Variants in TUBA1C observed in about 807,000 individuals in gnomAD.
TUBA1C encodes the protein tubulin alpha 1c.
In TUBA1C, 16 loss-of-function variants were observed where a neutral mutation model predicts 34.9. The ratio of observed to expected loss-of-function variants is 0.46; its 90% CI spans 0.31 to 0.70. The LOEUF (loss-of-function observed/expected upper bound fraction) is 0.70, where lower values mean the gene tolerates loss of function less well. TUBA1C is among the 30% of genes least tolerant of loss of function. The pLI, the probability that TUBA1C is intolerant of heterozygous loss-of-function variation, is 0.05. For synonymous variants in TUBA1C, 177 were observed against 215.9 expected, an observed-to-expected ratio of 0.82 and a Z score of 1.58; for missense variants, 329 against 587.3, an observed-to-expected ratio of 0.56 and a Z score of 4.55.
At chr12:49,259,054 C>T (rs925624150) in intron 1 of TUBA1C, among the ~76,000 whole-genome samples, 9 of 152,018 alleles carry the variant, frequency 5.9e-5, no homozygotes, top group Admixed American at 3.9e-4. Context: ...CCACCGCACC[C>T]GGCCAAAAAT....
rs149631982 is a variant in TUBA1C, at chr12:49,239,899, G to C, written c.213+11733G>C. The stretch of plus-strand genomic sequence containing the variant: ...TTTCAGGGCCTCTGGCTTGGGACAG[G>C]ACCAGGACGGGAGGTAGAGCAGTGG... On this transcript the variant is annotated intron_variant, in intron 1 of 3. Coordinates refer to the TUBA1C transcript ENST00000541364. 1.6e-3 allele frequency among the ~76,000 whole-genome samples: 244 copies of C among 152,246 alleles called. 2 individuals carry two copies. Among genetic ancestry groups the C allele is most frequent in the African/African-American group, 5.7e-3 (236 of 41,536 alleles).
At chr12:49,245,511 A>C in intron 1 of TUBA1C, among the ~76,000 whole-genome samples, 1 of 152,212 alleles carries the variant, frequency 6.6e-6, no homozygotes, top group East Asian at 1.9e-4. Flanking sequence ...CAGGAGGCTG[A>C]GGTAGAAGGA....
At chr12:49,249,153 C>T (rs1008871543) in intron 1 of TUBA1C, among the ~76,000 whole-genome samples, 4 of 152,082 alleles carry the variant, frequency 2.6e-5, no homozygotes, top group African/African-American at 4.8e-5. Context: ...GAAGGCCGGG[C>T]GCGGTGGCTC....
At chr12:49,254,277 C>G (rs1942760403) in intron 1 of TUBA1C, among the ~76,000 whole-genome samples, 1 of 151,854 alleles carries the variant, frequency 6.6e-6, no homozygotes, top group Non-Finnish European at 1.5e-5. Flanking sequence ...TGCCATTGCA[C>G]TCTAGCCTGG....
exon 1 of TUBA1C, chr12:49,227,976 T>C (rs1942457581): frequency 6.5e-7 from 1 of 1,535,572 alleles, no homozygotes; most frequent in Non-Finnish European, 8.7e-7. Flanking sequence ...TTCAATGGGG[T>C]GGAGGAGCTA....
intron 1 of TUBA1C, among the ~76,000 whole-genome samples, chr12:49,265,983 C>T (rs1273772890): frequency 1.1e-5 from 1 of 89,220 alleles, no homozygotes; most frequent in Non-Finnish European, 2.1e-5. Context: ...CAAAAAAAAA[C>T]GCTGGGCGTG....
At chr12:49,245,975 G>T (rs1341650874) in intron 1 of TUBA1C, among the ~76,000 whole-genome samples, 4 of 152,138 alleles carry the variant, frequency 2.6e-5, no homozygotes, top group Non-Finnish European at 5.9e-5. Context: ...CACGATCTCG[G>T]CTACCTGCAA....
At chr12:49,235,432 G>A (rs1438630993) in intron 1 of TUBA1C, among the ~76,000 whole-genome samples, 1 of 152,014 alleles carries the variant, frequency 6.6e-6, no homozygotes. Flanking sequence ...GGAGAGACTC[G>A]CTGGCACCTT....
chr12:49,246,369 C>A (rs1834936569), intron 1 of TUBA1C, among the ~76,000 whole-genome samples: 1 of 152,058 alleles, frequency 6.6e-6, no homozygotes, highest in Admixed American at 6.6e-5. Flanking sequence ...AAGTAAAAGC[C>A]CAGATAGAAT....
intron 1 of TUBA1C, among the ~76,000 whole-genome samples, chr12:49,247,439 C>G (rs1193727691): frequency 6.6e-6 from 1 of 151,946 alleles, no homozygotes; most frequent in African/African-American, 2.4e-5. Flanking sequence ...CACCTGTAAT[C>G]CCAGCTACTC....
At chr12:49,253,950 A>T (rs913393612) in intron 1 of TUBA1C, among the ~76,000 whole-genome samples, 7 of 152,170 alleles carry the variant, frequency 4.6e-5, no homozygotes, top group African/African-American at 1.7e-4. Context: ...ACTGGGGCAC[A>T]GGTGGATAGG....
chr12:49,257,392 C>T (rs1327798860), intron 1 of TUBA1C, among the ~76,000 whole-genome samples: 2 of 152,080 alleles, frequency 1.3e-5, no homozygotes, highest in South Asian at 2.1e-4. Context: ...TTAAAATCCT[C>T]AGTCCAGGGA....
At chr12:49,265,437 T>C (rs892393053) in intron 1 of TUBA1C, among the ~76,000 whole-genome samples, 4 of 152,178 alleles carry the variant, frequency 2.6e-5, no homozygotes, top group Admixed American at 1.3e-4. Context: ...AGTGAGGGCT[T>C]TCCCCGCAGG....
intron 1 of TUBA1C, among the ~76,000 whole-genome samples, chr12:49,234,665 C>T (rs982860755): frequency 1.3e-5 from 2 of 152,140 alleles, no homozygotes; most frequent in African/African-American, 4.8e-5. Flanking sequence ...CCACTTCCGC[C>T]GCGGCCCGGC....
rs55792924 is a variant in TUBA1C, at chr12:49,274,342, T to G, written c.*1115T>G. ...TAGAGATGGGGTTTTGCCATGTTGC[T>G]TAGGCTGGCCTTGAACTCCTGGGCT... On this transcript the variant is annotated 3_prime_UTR_variant, in exon 4 of 4. Transcript: ENST00000301072. 1 of 145,994 alleles carries G rather than the reference T, an allele frequency of 6.8e-6. No homozygotes were observed. The highest frequency in any genetic ancestry group is 2.6e-5 in the African/African-American group (1 of 38,624). The allele number at this position is 145,994 out of a possible 1,614,324, so 9.0% of individuals were successfully genotyped here. A position where few individuals can be genotyped will look rare whatever the true frequency, so the allele number is the denominator to read the frequency against.
intron 1 of TUBA1C, among the ~76,000 whole-genome samples, chr12:49,237,182 G>A (rs990143249): frequency 6.6e-6 from 1 of 152,186 alleles, no homozygotes; most frequent in Non-Finnish European, 1.5e-5. Context: ...CACTTTGGGA[G>A]GCTGAGGCAG....
At chr12:49,268,690 C>T (rs546418318) in intron 1 of TUBA1C, among the ~76,000 whole-genome samples, 2 of 152,312 alleles carry the variant, frequency 1.3e-5, no homozygotes, top group African/African-American at 2.4e-5. Flanking sequence ...CCTCTGACCA[C>T]AGTTTTTAAA....
chr12:49,239,883 C>A (rs1164627879), intron 1 of TUBA1C, among the ~76,000 whole-genome samples: 1 of 152,064 alleles, frequency 6.6e-6, no homozygotes, highest in Non-Finnish European at 1.5e-5. Flanking sequence ...TTTTCAGGGC[C>A]TCTGGCTTGG....
At position 49,228,206 on chromosome 12, in the gene TUBA1C, A is replaced by G. The variant is rs1253229248; in HGVS notation, c.213+40A>G. 7 of 1,526,120 alleles carry G rather than the reference A, an allele frequency of 4.6e-6. No individual in the cohort carries two copies. The African/African-American group carries it at 5.5e-5, about 12-fold the overall frequency. 94.5% of individuals were successfully genotyped at this position (1,526,120 alleles called of 1,614,324 possible). On this transcript the variant is annotated intron_variant, in intron 1 of 3. Transcript: ENST00000541364. ...GTAATGTAATGTAAATAGCTTCATC[A>G]TGCACGGCTTGGACATGGTACTGTG...
Sources: gnomAD v4.1 joint callset for allele counts (sites outside exome capture counted in the v4.1 genomes callset) on GRCh38, gnomAD v4.1.1 for gene constraint, MANE v1.5 for transcripts, NCBI Gene and HGNC (gene_info 2026-07-23, HGNC 2026-07-21) for gene names.